WNT3: variants seen among roughly 807,000 people sequenced by gnomAD.
The protein encoded by WNT3 is Wnt family member 3.
Under a neutral mutation model 34.2 loss-of-function variants are expected in WNT3, and 7 were observed. That is an observed-to-expected ratio of 0.20 (90% CI 0.12 to 0.38). The LOEUF is 0.38. WNT3 is among the 10% of genes least tolerant of loss of function. The probability of loss-of-function intolerance (pLI) is 1.00; values close to 1 mark genes in which losing one functional copy is unlikely to be tolerated. For missense variants in WNT3, 267 were observed against 499.8 expected, an observed-to-expected ratio of 0.53 and a Z score of 4.44; for synonymous variants, 212 against 211.5, an observed-to-expected ratio of 1.00 and a Z score of -0.02.
intron 1 of WNT3, among the ~76,000 whole-genome samples, chr17:46,785,956 T>A (rs555387563): frequency 1.3e-5 from 2 of 152,248 alleles, no homozygotes; most frequent in Non-Finnish European, 2.9e-5. Flanking sequence ...GCTGATCTGA[T>A]AAGATGTGAC....
chr17:46,780,282 G>A (rs973768953), intron 1 of WNT3, among the ~76,000 whole-genome samples: 1 of 152,200 alleles, frequency 6.6e-6, no homozygotes, highest in Non-Finnish European at 1.5e-5. Flanking sequence ...GACACCCACT[G>A]TGCTGCCAGC....
At chr17:46,765,696 G>A (rs554795587) in intron 4 of WNT3, among the ~76,000 whole-genome samples, 70 of 152,348 alleles carry the variant, frequency 4.6e-4, no homozygotes, top group Non-Finnish European at 8.2e-4. Flanking sequence ...CAGAGCAGGC[G>A]GCTCTCGCCT....
At chr17:46,793,929 C>T (rs2084019423) in intron 1 of WNT3, among the ~76,000 whole-genome samples, 1 of 152,230 alleles carries the variant, frequency 6.6e-6, no homozygotes. Flanking sequence ...GTCCAGACCC[C>T]ACCCTCTGGA....
chr17:46,786,665 C>T (rs958240594), intron 1 of WNT3, among the ~76,000 whole-genome samples: 5 of 152,198 alleles, frequency 3.3e-5, no homozygotes, highest in South Asian at 2.1e-4. Context: ...CAGGTAGGGT[C>T]CCAGCCCTCT....
At chr17:46,783,161 G>C (rs891831495) in intron 1 of WNT3, among the ~76,000 whole-genome samples, 1 of 152,214 alleles carries the variant, frequency 6.6e-6, no homozygotes, top group East Asian at 1.9e-4. Context: ...AGGACAGGAA[G>C]GGAAGGGTGA....
At chr17:46,797,360 G>T (rs1486335198) in intron 1 of WNT3, among the ~76,000 whole-genome samples, 1 of 152,220 alleles carries the variant, frequency 6.6e-6, no homozygotes, top group African/African-American at 2.4e-5. Flanking sequence ...GCAGCTCCAG[G>T]CTGGGTTTTG....
chr17:46,792,428 C>G (rs2083999262), intron 1 of WNT3, among the ~76,000 whole-genome samples: 1 of 152,182 alleles, frequency 6.6e-6, no homozygotes. Context: ...CAACTCTGCT[C>G]TAAGTAAGGT....
chr17:46,786,533 G>A (rs566491852), intron 1 of WNT3, among the ~76,000 whole-genome samples: 1 of 152,382 alleles, frequency 6.6e-6, no homozygotes, highest in Admixed American at 6.5e-5. Flanking sequence ...GTGGGCAAGT[G>A]CTGCCTGGTG....
At chr17:46,799,797 A>T (rs945125595) in intron 1 of WNT3, among the ~76,000 whole-genome samples, 10 of 152,132 alleles carry the variant, frequency 6.6e-5, no homozygotes, top group Non-Finnish European at 1.5e-4. Flanking sequence ...TTGAGATCAT[A>T]TTTTTTATTC....
chr17:46,798,310 T>TGAG (rs937849561), intron 1 of WNT3, among the ~76,000 whole-genome samples: 1 of 152,238 alleles, frequency 6.6e-6, no homozygotes, highest in Admixed American at 6.5e-5. Context: ...GGGAATGGGC[T>TGAG]GAGGAGGACC....
chr17:46,769,882 G>A lies in WNT3; in HGVS notation c.489C>T (p.Asp163=), dbSNP rs751644315. 3.7e-6 allele frequency: 6 copies of A among 1,613,642 alleles called. No homozygotes were observed. The highest frequency in any genetic ancestry group is 1.1e-5 in the South Asian group (1 of 91,086). Residue 163 remains aspartate (D), a synonymous_variant, in exon 3 of 5, where the codon GAC becomes GAT. Transcript: ENST00000225512. ...WKWGGCSEDA[D]FGVLVSREFA... ...ACTCCCTGGACACTAACACGCCGAA[G>A]TCAGCGTCCTCGCTGCAGCCGCCCC...
intron 1 of WNT3, among the ~76,000 whole-genome samples, chr17:46,776,783 C>G (rs1431086383): frequency 6.6e-6 from 1 of 152,246 alleles, no homozygotes; most frequent in East Asian, 1.9e-4. Context: ...GCTCCTTCCT[C>G]TGGTGTTTGG....
chr17:46,775,528 T>C (rs2059405700), intron 1 of WNT3, among the ~76,000 whole-genome samples: 3 of 152,130 alleles, frequency 2.0e-5, no homozygotes, highest in African/African-American at 2.4e-5. Context: ...ATCTGGGAGT[T>C]TGGATGGTAA....
In WNT3 at chr17:46,763,590, A is replaced by C. The variant is rs1392952481; in HGVS notation, c.*1040T>G. 6.6e-6 allele frequency: 1 copy of C among 152,182 alleles called. No individual in the cohort carries two copies. The highest frequency in any genetic ancestry group is 2.4e-5 in the African/African-American group (1 of 41,422). 9.4% of individuals were successfully genotyped at this position (152,182 alleles called of 1,614,324 possible). A position where few individuals can be genotyped will look rare whatever the true frequency, so the allele number is the denominator to read the frequency against. On this transcript the variant is annotated 3_prime_UTR_variant, in exon 5 of 5. Transcript: ENST00000225512. The stretch of plus-strand genomic sequence containing the variant: ...TTCATCCTCCCCATCTGCTAGTCAC[A>C]AAGTTGGAATTTCAGGAATTGATGG...
At chr17:46,771,257 C>T (rs2059366075) in intron 2 of WNT3, among the ~76,000 whole-genome samples, 1 of 152,124 alleles carries the variant, frequency 6.6e-6, no homozygotes, top group South Asian at 2.1e-4. Context: ...CGACCGAGGA[C>T]GGCGGCAAGG....
intron 1 of WNT3, among the ~76,000 whole-genome samples, chr17:46,816,998 G>A (rs2084359649): frequency 6.6e-6 from 1 of 152,206 alleles, no homozygotes. Flanking sequence ...TGTGCTGGAA[G>A]CCTCAGGTTA....
At chr17:46,807,768 CAA>C (rs967966605) in intron 1 of WNT3, among the ~76,000 whole-genome samples, 7 of 152,152 alleles carry the variant, frequency 4.6e-5, no homozygotes, top group Admixed American at 1.3e-4. Flanking sequence ...GATTCAATAA[CAA>C]AATAAAAACG....
chr17:46,770,373 C>T (rs1250594388), intron 2 of WNT3, among the ~76,000 whole-genome samples: 2 of 152,220 alleles, frequency 1.3e-5, no homozygotes, highest in Non-Finnish European at 2.9e-5. Flanking sequence ...ATAAGGCAGC[C>T]ACTTCTGTCC....
At chr17:46,814,209 A>C (rs75398055) in intron 1 of WNT3, among the ~76,000 whole-genome samples, 7,350 of 152,220 alleles carry the variant, frequency 0.048, 383 homozygotes, top group African/African-American at 0.13. Context: ...CTGTTGACAA[A>C]ATGCTCTGAG....
Sources: allele counts gnomAD v4.1 joint callset (sites outside exome capture counted in the v4.1 genomes callset), GRCh38; gene constraint gnomAD v4.1.1; transcripts MANE v1.5; gene names NCBI Gene and HGNC (gene_info 2026-07-23, HGNC 2026-07-21).